The following VAX2 variants were observed in gnomAD, a reference collection of about 807,000 sequenced individuals.
The protein encoded by VAX2 is ventral anterior homeobox 2.
A neutral mutation model predicts 12.5 loss-of-function variants in VAX2; 8 were observed. The ratio of observed to expected loss-of-function variants is 0.64; its 90% CI spans 0.37 to 1.15. The LOEUF (loss-of-function observed/expected upper bound fraction) is 1.15, where lower values mean the gene tolerates loss of function less well. VAX2 is among the 50% of genes most tolerant of loss of function. The pLI, the probability that VAX2 is intolerant of heterozygous loss-of-function variation, is 0.01. For synonymous variants in VAX2, 183 were observed against 187.6 expected (o/e 0.98, Z 0.20); for missense variants, 476 against 412.9 (o/e 1.15, Z -1.32).
intron 1 of VAX2, among the ~76,000 whole-genome samples, chr2:70,906,473 C>G (rs555364345): frequency 2.0e-5 from 3 of 150,042 alleles, no homozygotes; most frequent in Admixed American, 2.0e-4. Flanking sequence ...CCATCTCCCC[C>G]GTGGCCTTAA....
At chr2:70,906,522 T>C (rs1553410608) in intron 1 of VAX2, among the ~76,000 whole-genome samples, 1 of 76,422 alleles carries the variant, frequency 1.3e-5, no homozygotes, top group Non-Finnish European at 2.6e-5. Context: ...TTCTTTTCCT[T>C]TTTTTTTTTT....
chr2:70,902,022 T>C (rs902939295), intron 1 of VAX2, among the ~76,000 whole-genome samples: 3 of 152,198 alleles, frequency 2.0e-5, no homozygotes, highest in Admixed American at 6.5e-5. Flanking sequence ...GCGGATTTCT[T>C]TGGCCTCCGC....
In VAX2 at chr2:70,904,643, G is replaced by C. The variant is rs534888600; in HGVS notation, c.247+3775G>C. On this transcript the variant is annotated intron_variant, in intron 1 of 2. Coordinates refer to ENST00000234392, the MANE Select transcript of VAX2 (RefSeq NM_012476.3). This position sits in a 1 kb window ranked among gnomAD's most constrained non-coding sequence, Gnocchi z 4.2. The stretch of plus-strand genomic sequence containing the variant: ...CGAACCCCTGTGTCTGGGAGCAGTA[G>C]GGTGGGATGACTGCAGGATCCCTTG... Among the ~76,000 whole-genome samples the C allele has an allele frequency of 2.6e-5, 4 of 152,320 alleles. No homozygotes were observed. The highest frequency in any genetic ancestry group is 4.4e-5 in the Non-Finnish European group (3 of 68,030).
intron 1 of VAX2, among the ~76,000 whole-genome samples, chr2:70,906,184 G>A (rs138241216): frequency 9.9e-4 from 151 of 152,328 alleles, no homozygotes; most frequent in African/African-American, 3.4e-3. Context: ...TCCCTGCGGC[G>A]AGACAGGTCT....
intron 1 of VAX2, among the ~76,000 whole-genome samples, chr2:70,912,534 C>T (rs1572890136): frequency 2.0e-5 from 3 of 152,014 alleles, no homozygotes; most frequent in African/African-American, 4.8e-5. Context: ...CGGTGGTGGG[C>T]GCCTGTAATC....
chr2:70,903,880 C>T lies in VAX2; in HGVS notation c.247+3012C>T, dbSNP rs566027797. Among the ~76,000 whole-genome samples, 4 of 152,306 alleles carry T rather than the reference C, an allele frequency of 2.6e-5. No homozygotes were observed. The East Asian group carries it at 7.7e-4, about 30-fold the overall frequency. ...CACTAATGGTAAAGGAAAATTAGCA[C>T]CATCTTGCAGACCACACAGTGCAGC... On this transcript the variant is annotated intron_variant, in intron 1 of 2. Transcript: ENST00000234392.
At chr2:70,927,882 A>C (rs1246227331) in intron 2 of VAX2, among the ~76,000 whole-genome samples, 4 of 152,152 alleles carry the variant, frequency 2.6e-5, no homozygotes, top group Non-Finnish European at 5.9e-5. Flanking sequence ...AGGAGGCCAC[A>C]CAGGACCCTG....
chr2:70,922,861 G>A (rs1679489461), intron 2 of VAX2, among the ~76,000 whole-genome samples: 1 of 152,180 alleles, frequency 6.6e-6, no homozygotes, highest in Admixed American at 6.5e-5. Flanking sequence ...GCAGGGCCAG[G>A]CCAGAACTCC....
At chr2:70,914,200 C>A (rs1313609915) in intron 1 of VAX2, among the ~76,000 whole-genome samples, 1 of 152,192 alleles carries the variant, frequency 6.6e-6, no homozygotes, top group Non-Finnish European at 1.5e-5. Context: ...GTAATCCCAG[C>A]ATTTTGGGAG....
At chr2:70,911,553 T>G (rs1206758743) in intron 1 of VAX2, among the ~76,000 whole-genome samples, 2 of 152,218 alleles carry the variant, frequency 1.3e-5, no homozygotes, top group Non-Finnish European at 2.9e-5. Flanking sequence ...TTTATGTTCT[T>G]ATTGAGAGAG....
At chr2:70,920,137 A>C (rs912325564) in intron 1 of VAX2, among the ~76,000 whole-genome samples, 2 of 152,210 alleles carry the variant, frequency 1.3e-5, no homozygotes, top group Admixed American at 1.3e-4. Context: ...CTGTTAGTTT[A>C]GCTTCGTTAT....
At chr2:70,919,459 A>G (rs1679399517) in intron 1 of VAX2, among the ~76,000 whole-genome samples, 1 of 150,998 alleles carries the variant, frequency 6.6e-6, no homozygotes, top group Non-Finnish European at 1.5e-5. Flanking sequence ...GGAGGCTGAG[A>G]CAAGAGGATC....
At chr2:70,913,570 G>C (rs1332529543) in intron 1 of VAX2, among the ~76,000 whole-genome samples, 2 of 152,054 alleles carry the variant, frequency 1.3e-5, no homozygotes, top group African/African-American at 4.8e-5. Flanking sequence ...CAACTACTCA[G>C]GAGGCGGATG....
intron 2 of VAX2, among the ~76,000 whole-genome samples, chr2:70,928,693 G>GT (rs1679624983): frequency 6.6e-6 from 1 of 152,278 alleles, no homozygotes; most frequent in East Asian, 1.9e-4. Flanking sequence ...ATTGCCCTCT[G>GT]TTTTTTGGGA....
intron 1 of VAX2, among the ~76,000 whole-genome samples, chr2:70,910,189 G>A (rs1295080086): frequency 6.6e-6 from 1 of 152,124 alleles, no homozygotes; most frequent in Non-Finnish European, 1.5e-5. Flanking sequence ...AATTACAGCA[G>A]AATAGAAGAA....
chr2:70,932,681 C>A, intron 2 of VAX2, 86 bp from the exon 3 acceptor site: 1 of 834,492 alleles, frequency 1.2e-6, no homozygotes, highest in Non-Finnish European at 1.7e-6. Flanking sequence ...ACCCCATGCC[C>A]TTCCTCTCCT....
intron 2 of VAX2, among the ~76,000 whole-genome samples, chr2:70,931,148 C>G (rs534669187): frequency 3.3e-5 from 5 of 152,242 alleles, no homozygotes; most frequent in Admixed American, 2.6e-4. Context: ...TGAGCCTCAG[C>G]TTCCTGCCCA....
intron 2 of VAX2, among the ~76,000 whole-genome samples, chr2:70,928,117 A>G (rs1679613350): frequency 6.6e-6 from 1 of 152,242 alleles, no homozygotes; most frequent in Non-Finnish European, 1.5e-5. Context: ...GAGGGCTCTG[A>G]GCCTGTCTGT....
At chr2:70,903,340 TC>T (rs1553410023) in intron 1 of VAX2, among the ~76,000 whole-genome samples, 1 of 152,184 alleles carries the variant, frequency 6.6e-6, no homozygotes, top group African/African-American at 2.4e-5. Flanking sequence ...CCAGGACCTG[TC>T]CTTTCTTGGG....
Sources: allele counts gnomAD v4.1 joint callset (sites outside exome capture counted in the v4.1 genomes callset), GRCh38; gene constraint gnomAD v4.1.1; non-coding constraint Gnocchi (gnomAD v3.1); transcripts MANE v1.5; gene names NCBI Gene and HGNC (gene_info 2026-07-23, HGNC 2026-07-21).